The following ZNF678 variants were observed in gnomAD, a reference collection of about 807,000 sequenced individuals.
ZNF678 encodes zinc finger protein 678.
A neutral mutation model predicts 3.0 loss-of-function variants in ZNF678; 5 were observed. That is an observed-to-expected ratio of 1.69 (90% CI 0.88 to 3.56). The LOEUF is 3.56. Among genes scored for constraint, ZNF678 ranks in the 30% most tolerant of loss-of-function variants. The probability of loss-of-function intolerance (pLI) is 0.00; values close to 1 mark genes in which losing one functional copy is unlikely to be tolerated. For missense variants in ZNF678, 593 were observed against 605.0 expected, an observed-to-expected ratio of 0.98 and a Z score of 0.21; for synonymous variants, 218 against 199.6, an observed-to-expected ratio of 1.09 and a Z score of -0.78.
At chr1:227,626,185 T>G (rs1658410141) in intron 1 of ZNF678, among the ~76,000 whole-genome samples, 1 of 152,146 alleles carries the variant, frequency 6.6e-6, no homozygotes, top group Non-Finnish European at 1.5e-5. Context: ...CATGGCGATC[T>G]ACGATTGTAG....
chr1:227,585,033 G>C (rs1302971193), intron 1 of ZNF678, among the ~76,000 whole-genome samples: 1 of 152,188 alleles, frequency 6.6e-6, no homozygotes, highest in Non-Finnish European at 1.5e-5. Context: ...AGAGAGACTT[G>C]AAACTAGGAC....
At chr1:227,563,804 C>G (rs1434039014) in intron 1 of ZNF678, 80 bp downstream of exon 1, 16 of 1,249,150 alleles carry the variant, frequency 1.3e-5, no homozygotes, top group Admixed American at 2.3e-5. Flanking sequence ...CCCGGAGTCC[C>G]GGCTGGCACC....
intron 1 of ZNF678, among the ~76,000 whole-genome samples, chr1:227,627,225 G>C (rs1322875963): frequency 6.6e-6 from 1 of 151,712 alleles, no homozygotes. Context: ...CGAAAGGTTT[G>C]GTGAAGGGTT....
chr1:227,588,335 T>G (rs991336562), intron 1 of ZNF678, among the ~76,000 whole-genome samples: 2 of 152,122 alleles, frequency 1.3e-5, no homozygotes, highest in African/African-American at 4.8e-5. Flanking sequence ...TATATTCTTT[T>G]GGGTGTACAT....
downstream of ZNF678, among the ~76,000 whole-genome samples, chr1:227,678,638 A>T (rs1342898571): frequency 7.9e-5 from 12 of 152,212 alleles, no homozygotes; most frequent in Non-Finnish European, 1.5e-5. Flanking sequence ...CAATGGGACT[A>T]GGACTTGTGC....
intron 1 of ZNF678, among the ~76,000 whole-genome samples, chr1:227,591,621 T>G (rs932385239): frequency 1.3e-5 from 2 of 152,268 alleles, no homozygotes; most frequent in Middle Eastern, 3.4e-3. Context: ...CCCACCAGTC[T>G]TCAGTTCTTA....
At chr1:227,643,839 A>G (rs1658884464) in intron 1 of ZNF678, among the ~76,000 whole-genome samples, 1 of 144,920 alleles carries the variant, frequency 6.9e-6, no homozygotes, top group Non-Finnish European at 1.5e-5. Context: ...CTTTTATTTT[A>G]TATATTTTCT....
intron 1 of ZNF678, among the ~76,000 whole-genome samples, chr1:227,573,773 G>T (rs1014407656): frequency 6.8e-6 from 1 of 147,598 alleles, no homozygotes; most frequent in Admixed American, 6.7e-5. Flanking sequence ...CATCATCCAG[G>T]TATTAAGCCT....
intron 1 of ZNF678, among the ~76,000 whole-genome samples, chr1:227,604,761 A>G (rs1369601190): frequency 6.6e-6 from 1 of 152,174 alleles, no homozygotes. Context: ...CTTACAATTT[A>G]TATATATTTT....
chr1:227,677,345 A>G (rs1659702382), exon 6 of ZNF678: 1 of 152,252 alleles, frequency 6.6e-6, no homozygotes, highest in Admixed American at 6.5e-5. Context: ...ATGTGCAAAC[A>G]GCTGAACAAA....
In ZNF678 at chr1:227,654,830, T is replaced by G; in HGVS notation, c.580T>G (p.Ser194Ala). ...ATGTGACAAAGTTTTTAATTGGTGG[T>G]CACAACTAACTAGCCATAAGAAAAT... ...DECDKVFNWW[S>A]QLTSHKKIHS... The change falls in exon 4 of 4, where the codon TCA becomes GCA. Residue 194 changes from serine (S) to alanine (A), a missense_variant. By Grantham distance (99) the Ser-to-Ala change is moderately conservative. Coordinates refer to ENST00000343776, the MANE Select transcript of ZNF678 (RefSeq NM_001367909.1). The G allele has an allele frequency of 3.7e-6, 6 of 1,608,670 alleles. No individual in the cohort carries two copies. The highest frequency in any genetic ancestry group is 4.2e-6 in the Non-Finnish European group (5 of 1,179,002).
At chr1:227,567,798 T>A (rs930564254) in intron 1 of ZNF678, among the ~76,000 whole-genome samples, 1 of 152,096 alleles carries the variant, frequency 6.6e-6, no homozygotes, top group Admixed American at 6.5e-5. Context: ...TACTTTAAGT[T>A]TTAGGGTACA....
At chr1:227,607,987 A>T (rs890729844) in intron 1 of ZNF678, among the ~76,000 whole-genome samples, 2 of 151,728 alleles carry the variant, frequency 1.3e-5, no homozygotes, top group Non-Finnish European at 2.9e-5. Flanking sequence ...TTGATTAGTT[A>T]GAAAGATAGA....
intron 1 of ZNF678, among the ~76,000 whole-genome samples, chr1:227,636,542 T>C (rs1658684260): frequency 6.6e-6 from 1 of 152,238 alleles, no homozygotes; most frequent in African/African-American, 2.4e-5. Flanking sequence ...AATAACCCCA[T>C]GAATCATCCT....
intron 1 of ZNF678, among the ~76,000 whole-genome samples, chr1:227,593,783 G>T (rs868631861): frequency 6.6e-6 from 1 of 151,800 alleles, no homozygotes; most frequent in Middle Eastern, 3.5e-3. Flanking sequence ...CTTTGGTAGG[G>T]TTTTCCCCTG....
At chr1:227,627,947 T>C (rs1349118433) in intron 1 of ZNF678, among the ~76,000 whole-genome samples, 1 of 152,252 alleles carries the variant, frequency 6.6e-6, no homozygotes, top group Non-Finnish European at 1.5e-5. Context: ...TGTTCTATCT[T>C]TTCTTCATTG....
At chr1:227,589,375 A>C (rs1266971325) in intron 1 of ZNF678, among the ~76,000 whole-genome samples, 1 of 151,788 alleles carries the variant, frequency 6.6e-6, no homozygotes, top group Non-Finnish European at 1.5e-5. Flanking sequence ...CTAGCCAGTT[A>C]TCTTAGCCCC....
intron 1 of ZNF678, among the ~76,000 whole-genome samples, chr1:227,595,156 T>TG (rs916540327): frequency 1.4e-4 from 6 of 42,752 alleles, no homozygotes. Flanking sequence ...AGGTACGCTG[T>TG]TTTTTTTTTT....
intron 1 of ZNF678, among the ~76,000 whole-genome samples, chr1:227,645,340 G>A (rs368481075): frequency 3.9e-5 from 6 of 152,238 alleles, no homozygotes; most frequent in African/African-American, 1.2e-4. Flanking sequence ...CTAGGTCAAG[G>A]GCTGGGTCAG....
Sources: gnomAD v4.1 joint callset for allele counts (sites outside exome capture counted in the v4.1 genomes callset) on GRCh38, gnomAD v4.1.1 for gene constraint, MANE v1.5 for transcripts, NCBI Gene and HGNC (gene_info 2026-07-23, HGNC 2026-07-21) for gene names.